NTRK2: variants seen among roughly 807,000 people sequenced by gnomAD.
NTRK2 encodes the protein neurotrophic receptor tyrosine kinase 2, also known as BDNF/NT-3 growth factors receptor.
NTRK2 carries 13 observed loss-of-function variants against 94.5 expected under a neutral mutation model. The ratio of observed to expected loss-of-function variants is 0.14; its 90% CI spans 0.09 to 0.22. The LOEUF (loss-of-function observed/expected upper bound fraction) is 0.22, where lower values mean the gene tolerates loss of function less well. Ranked by LOEUF, NTRK2 falls within the 10% of genes least tolerant of loss-of-function variation. The probability of loss-of-function intolerance (pLI) is 1.00; values close to 1 mark genes in which losing one functional copy is unlikely to be tolerated. For missense variants in NTRK2, 639 were observed against 1,071.2 expected (o/e 0.60, Z 5.63); for synonymous variants, 372 against 407.4 (o/e 0.91, Z 1.05).
intron 12 of NTRK2, among the ~76,000 whole-genome samples, chr9:84,822,305 T>C (rs1478318187): frequency 2.6e-5 from 4 of 152,184 alleles, no homozygotes; most frequent in Non-Finnish European, 5.9e-5. Flanking sequence ...CTTACTTCTA[T>C]ACTCAATTCC....
At chr9:84,738,063 G>T (rs2063381746) in intron 9 of NTRK2, among the ~76,000 whole-genome samples, 2 of 151,230 alleles carry the variant, frequency 1.3e-5, no homozygotes, top group Non-Finnish European at 2.9e-5. Flanking sequence ...TAGACAGTCT[G>T]CTGCTTGTTT....
At position 84,751,897 on chromosome 9, in the gene NTRK2, T is replaced by C. The variant is rs1588365458; in HGVS notation, c.1297-89T>C. 2.3e-5 allele frequency: 23 copies of C among 984,208 alleles called. No individual in the cohort carries two copies. The East Asian group carries it at 4.6e-4, about 20-fold the overall frequency. 61.0% of individuals were successfully genotyped at this position (984,208 alleles called of 1,614,324 possible). ...GCATTCAATAAATATGAACTGCCTGTATCATTATCATCGTCATGATCATCA... is the reference window on the plus strand; with the variant it reads ...GCATTCAATAAATATGAACTGCCTGCATCATTATCATCGTCATGATCATCA... On this transcript the variant is annotated intron_variant, in intron 11 of 18. Transcript: ENST00000277120.
At chr9:84,826,794 C>G (rs907093779) in intron 12 of NTRK2, among the ~76,000 whole-genome samples, 1 of 152,146 alleles carries the variant, frequency 6.6e-6, no homozygotes, top group African/African-American at 2.4e-5. Flanking sequence ...CTATTACCAC[C>G]ACTCATTCAT....
At chr9:84,766,149 C>T (rs1207156575) in intron 12 of NTRK2, among the ~76,000 whole-genome samples, 1 of 152,050 alleles carries the variant, frequency 6.6e-6, no homozygotes, top group Non-Finnish European at 1.5e-5. Flanking sequence ...GAGGGCTTTG[C>T]TGTGTTTAAA....
intron 2 of NTRK2, among the ~76,000 whole-genome samples, chr9:84,672,155 A>C (rs566658978): frequency 6.6e-6 from 1 of 152,286 alleles, no homozygotes; most frequent in East Asian, 1.9e-4. Context: ...GTTGACCAAG[A>C]TAACCTGTTT....
At chr9:84,997,278 G>A (rs910951574) in intron 17 of NTRK2, among the ~76,000 whole-genome samples, 3 of 152,172 alleles carry the variant, frequency 2.0e-5, no homozygotes, top group East Asian at 1.9e-4. Context: ...CTCTGAGACT[G>A]AAAACCATCT....
intron 2 of NTRK2, among the ~76,000 whole-genome samples, chr9:84,679,103 T>A (rs1057128664): frequency 2.0e-5 from 3 of 152,214 alleles, no homozygotes; most frequent in African/African-American, 7.2e-5. Flanking sequence ...TCACCAGATA[T>A]GAAACCTCCC....
At chr9:84,788,833 C>T (rs932124861) in intron 12 of NTRK2, among the ~76,000 whole-genome samples, 1 of 152,006 alleles carries the variant, frequency 6.6e-6, no homozygotes, top group African/African-American at 2.4e-5. Flanking sequence ...CCACTCCTCC[C>T]AGACCAGGTG....
At position 84,745,018 on chromosome 9, in the gene NTRK2, G is replaced by A. The variant is rs761253022; in HGVS notation, c.1241G>A (p.Ser414Asn). 6.2e-7 allele frequency: 1 copy of A among 1,613,848 alleles called. No homozygotes were observed. The highest frequency in any genetic ancestry group is 8.5e-7 in the Non-Finnish European group (1 of 1,179,984). ...ANDIGDTTNR[S>N]NEIPSTDVTD... is the part of the protein sequence containing the mutation. ...GACATCGGGGACACCACGAACAGAA[G>A]TAATGAAATCCCTTCCACAGACGTC... is the stretch of plus-strand genomic sequence containing the variant. The change falls in exon 11 of 19, where the codon AGT (serine) becomes AAT (asparagine). Residue 414 changes from serine (S) to asparagine (N), a missense_variant. Transcript: ENST00000277120.
intron 12 of NTRK2, among the ~76,000 whole-genome samples, chr9:84,850,334 C>T (rs1400670389): frequency 2.0e-5 from 3 of 152,178 alleles, no homozygotes; most frequent in Non-Finnish European, 4.4e-5. Context: ...ATTTATCACA[C>T]TGTCTTGCAT....
At chr9:84,877,741 C>G in intron 14 of NTRK2, 1 of 1,057,798 alleles carries the variant, frequency 9.5e-7, no homozygotes, top group Non-Finnish European at 1.1e-6. Flanking sequence ...TCAGAAACTC[C>G]AGGGCTTGCC....
In NTRK2 at chr9:84,842,360, G is replaced by A. The variant is rs2074235398; in HGVS notation, c.1397-18680G>A. The stretch of plus-strand genomic sequence containing the variant: ...ATAAATCTGTGTTTTCTTATCTGAG[G>A]GAAAGAACGTTTTTAAGGCACTATG... On this transcript the variant is annotated intron_variant, in intron 12 of 18. Coordinates refer to ENST00000277120, the MANE Select transcript of NTRK2 (RefSeq NM_006180.6). Among the ~76,000 whole-genome samples the A allele has an allele frequency of 2.0e-5, 3 of 152,072 alleles. No individual in the cohort carries two copies. In the South Asian group the frequency reaches 6.2e-4, roughly 32 times the overall value.
intron 13 of NTRK2, among the ~76,000 whole-genome samples, chr9:84,865,081 C>T (rs2132035030): frequency 6.6e-6 from 1 of 152,176 alleles, no homozygotes; most frequent in African/African-American, 2.4e-5. Context: ...GCTGGATGAT[C>T]TAGGCCTGTC....
At chr9:84,771,211 A>G (rs2066512721) in intron 12 of NTRK2, among the ~76,000 whole-genome samples, 1 of 152,206 alleles carries the variant, frequency 6.6e-6, no homozygotes, top group Non-Finnish European at 1.5e-5. Flanking sequence ...GGGACAGGGC[A>G]TTAGCAATGA....
chr9:85,016,011 A>T (rs760289684), intron 17 of NTRK2, among the ~76,000 whole-genome samples: 9 of 152,236 alleles, frequency 5.9e-5, no homozygotes, highest in Non-Finnish European at 8.8e-5. Context: ...TACTTGCACT[A>T]TCCAGGCAAG....
At chr9:85,005,200 A>T (rs1424269713) in intron 17 of NTRK2, among the ~76,000 whole-genome samples, 1 of 151,942 alleles carries the variant, frequency 6.6e-6, no homozygotes, top group African/African-American at 2.4e-5. Context: ...AGAGGAAGAG[A>T]CTCCCTCCTG....
intron 16 of NTRK2, among the ~76,000 whole-genome samples, chr9:84,954,298 TCA>T (rs1027333755): frequency 2.6e-5 from 4 of 152,170 alleles, no homozygotes; most frequent in Non-Finnish European, 5.9e-5. Context: ...TCATCTTGGC[TCA>T]CAGCGCAGGA....
chr9:84,946,736 C>A (rs755843572), intron 15 of NTRK2, among the ~76,000 whole-genome samples: 1 of 152,200 alleles, frequency 6.6e-6, no homozygotes, highest in Non-Finnish European at 1.5e-5. Flanking sequence ...TATTTCAGTT[C>A]TGGTGGTCAG....
At chr9:84,763,830 A>ATTT (rs58194416) in intron 12 of NTRK2, among the ~76,000 whole-genome samples, 1 of 146,020 alleles carries the variant, frequency 6.8e-6, no homozygotes, top group Non-Finnish European at 1.5e-5. Flanking sequence ...CATGCGTTGC[A>ATTT]TTTTTTTTTT....
Sources: gnomAD v4.1 joint callset for allele counts (sites outside exome capture counted in the v4.1 genomes callset) on GRCh38, gnomAD v4.1.1 for gene constraint, MANE v1.5 for transcripts, NCBI Gene and HGNC (gene_info 2026-07-23, HGNC 2026-07-21) for gene names.